Variants in PPARG observed in about 807,000 individuals in gnomAD.
PPARG encodes the protein peroxisome proliferator activated receptor gamma.
PPARG carries 17 observed loss-of-function variants against 39.2 expected under a neutral mutation model. That is an observed-to-expected ratio of 0.43 (90% CI 0.30 to 0.65). PPARG has a LOEUF of 0.65. Ranked by LOEUF, PPARG falls within the 30% of genes least tolerant of loss-of-function variation. The pLI is 0.13. For synonymous variants in PPARG, 223 were observed against 215.7 expected (o/e 1.03, Z -0.30); for missense variants, 406 against 585.9 (o/e 0.69, Z 3.17).
At chr3:12,320,258 C>T (rs2047502516) in intron 2 of PPARG, among the ~76,000 whole-genome samples, 1 of 152,054 alleles carries the variant, frequency 6.6e-6, no homozygotes, top group African/African-American at 2.4e-5. Flanking sequence ...GTATGTATCG[C>T]TAGAGGAATG....
chr3:12,390,558 A>G, intron 4 of PPARG, among the ~76,000 whole-genome samples: 2 of 151,300 alleles, frequency 1.3e-5, no homozygotes, highest in Middle Eastern at 7.0e-3. Flanking sequence ...AATACCATTT[A>G]ATAAAGCCTC....
At chr3:12,300,640 T>TATTA (rs2046903272) in intron 1 of PPARG, among the ~76,000 whole-genome samples, 6 of 152,054 alleles carry the variant, frequency 3.9e-5, no homozygotes, top group African/African-American at 1.4e-4. Flanking sequence ...TGCAGACTAA[T>TATTA]ATTAATATCA....
At chr3:12,382,018 A>G (rs2049686995) in intron 4 of PPARG, among the ~76,000 whole-genome samples, 1 of 152,168 alleles carries the variant, frequency 6.6e-6, no homozygotes, top group Non-Finnish European at 1.5e-5. Context: ...GGATCCCTAG[A>G]GCAATCCTAT....
rs1423957143 is a variant in PPARG, at chr3:12,312,901, A to AAT, written c.-9+448_-9+449insAT. 9.8e-5 allele frequency among the ~76,000 whole-genome samples: 15 copies of AAT among 152,322 alleles called. 1 individual carries two copies. The South Asian group carries it at 3.1e-3, about 32-fold the overall frequency. ...GTATAAGCCAAATGTGCTCCATTCT[A>AAT]GGAGGAAGAATTGCTAAGTTATACC... On this transcript the variant is annotated intron_variant, in intron 2 of 7. Coordinates refer to ENST00000651735, the MANE Select transcript of PPARG (RefSeq NM_138711.6).
At chr3:12,432,720 T>G (rs1398145031) in intron 7 of PPARG, among the ~76,000 whole-genome samples, 1 of 152,162 alleles carries the variant, frequency 6.6e-6, no homozygotes, top group Non-Finnish European at 1.5e-5. Flanking sequence ...GATATAATTA[T>G]CTATCCAAAA....
intron 7 of PPARG, among the ~76,000 whole-genome samples, chr3:12,425,172 G>C (rs2051394558): frequency 6.6e-6 from 1 of 152,212 alleles, no homozygotes; most frequent in Non-Finnish European, 1.5e-5. Flanking sequence ...GGGAGGGCTT[G>C]GAAGTGGGGA....
chr3:12,409,639 G>A (rs1404795319), intron 6 of PPARG, among the ~76,000 whole-genome samples: 1 of 151,966 alleles, frequency 6.6e-6, no homozygotes, highest in Non-Finnish European at 1.5e-5. Flanking sequence ...CTGTGCAGCA[G>A]AGCAATTTGC....
In PPARG at chr3:12,405,988, G is replaced by A; in HGVS notation, c.636G>A (p.Leu212=). Residue 212 remains leucine (L), a synonymous_variant, in exon 6 of 8, where the codon CTG becomes CTA. Transcript: ENST00000651735. ...LNPESADLRA[L]AKHLYDSYIK... ...CAGAGTCCGCTGACCTCCGGGCCCT[G>A]GCAAAACATTTGTATGACTCATACA... is the stretch of plus-strand genomic sequence containing the variant. The A allele has an allele frequency of 6.2e-7, 1 of 1,614,158 alleles. No homozygotes were observed. The highest frequency in any genetic ancestry group is 8.5e-7 in the Non-Finnish European group (1 of 1,180,030).
At chr3:12,378,756 A>G (rs1254491715) in intron 2 of PPARG, among the ~76,000 whole-genome samples, 2 of 152,178 alleles carry the variant, frequency 1.3e-5, no homozygotes, top group Non-Finnish European at 2.9e-5. Context: ...TCTGCTAAGT[A>G]TAGGTCACCT....
chr3:12,311,732 C>A (rs1399912587), intron 1 of PPARG, among the ~76,000 whole-genome samples: 1 of 151,994 alleles, frequency 6.6e-6, no homozygotes, highest in East Asian at 1.9e-4. Context: ...GATCCTTGAG[C>A]CTTTCATAAG....
chr3:12,345,085 T>G (rs1032064198), intron 2 of PPARG, among the ~76,000 whole-genome samples: 6 of 88,154 alleles, frequency 6.8e-5, no homozygotes, highest in Admixed American at 2.4e-4. Context: ...ATCCAAGGTG[T>G]TTTTTTTTAG....
intron 2 of PPARG, among the ~76,000 whole-genome samples, chr3:12,360,574 CAA>C (rs11394520): frequency 2.4e-5 from 3 of 126,802 alleles, no homozygotes; most frequent in Non-Finnish European, 4.9e-5. Flanking sequence ...AGCACCCAGA[CAA>C]AAAAAAAAAA....
intron 2 of PPARG, among the ~76,000 whole-genome samples, chr3:12,331,790 T>G (rs1414314163): frequency 6.6e-6 from 1 of 152,200 alleles, no homozygotes; most frequent in Admixed American, 6.5e-5. Flanking sequence ...TCCCTGTTTT[T>G]GGCAATGATC....
At chr3:12,316,507 G>A (rs2047392566) in intron 2 of PPARG, among the ~76,000 whole-genome samples, 1 of 152,002 alleles carries the variant, frequency 6.6e-6, no homozygotes, top group Non-Finnish European at 1.5e-5. Flanking sequence ...GCATCCTGGA[G>A]AATGGTTACA....
chr3:12,339,288 T>C (rs1260891845), intron 2 of PPARG, among the ~76,000 whole-genome samples: 3 of 152,160 alleles, frequency 2.0e-5, no homozygotes, highest in Non-Finnish European at 4.4e-5. Context: ...TATAATAGAT[T>C]AACAGTTGTC....
intron 1 of PPARG, among the ~76,000 whole-genome samples, chr3:12,297,518 T>A (rs775698161): frequency 6.6e-6 from 1 of 152,150 alleles, no homozygotes; most frequent in African/African-American, 2.4e-5. Context: ...ATAGTAAAGA[T>A]CAAGGCAATA....
At chr3:12,365,576 A>AATT (rs888069202) in intron 2 of PPARG, among the ~76,000 whole-genome samples, 8 of 151,472 alleles carry the variant, frequency 5.3e-5, no homozygotes, top group East Asian at 1.9e-4. Flanking sequence ...TCTGTGTCTA[A>AATT]ATTATTATTA....
intron 7 of PPARG, among the ~76,000 whole-genome samples, chr3:12,425,036 A>G (rs2051389439): frequency 6.6e-6 from 1 of 152,214 alleles, no homozygotes; most frequent in South Asian, 2.1e-4. Flanking sequence ...AGTCATTCTT[A>G]AGATCGCTTA....
chr3:12,335,251 T>G (rs1039447696), intron 2 of PPARG, among the ~76,000 whole-genome samples: 1 of 152,188 alleles, frequency 6.6e-6, no homozygotes. Context: ...TGGTAGTAAT[T>G]CCAGAATATA....
Sources: allele counts gnomAD v4.1 joint callset (sites outside exome capture counted in the v4.1 genomes callset), GRCh38; gene constraint gnomAD v4.1.1; transcripts MANE v1.5; gene names NCBI Gene and HGNC (gene_info 2026-07-23, HGNC 2026-07-21).